The following DPF3 variants were observed in gnomAD, a reference collection of about 807,000 sequenced individuals.
DPF3 encodes the protein double PHD fingers 3.
Under a neutral mutation model 56.8 loss-of-function variants are expected in DPF3, and 18 were observed. That is an observed-to-expected ratio of 0.32 (90% CI 0.22 to 0.47). DPF3 has a LOEUF of 0.47. Ranked by LOEUF, DPF3 falls within the 20% of genes least tolerant of loss-of-function variation. The probability of loss-of-function intolerance (pLI) is 1.00; values close to 1 mark genes in which losing one functional copy is unlikely to be tolerated. For synonymous variants in DPF3, 188 were observed against 180.2 expected (o/e 1.04, Z -0.35); for missense variants, 403 against 488.8 (o/e 0.82, Z 1.65).
At chr14:72,844,232 C>A (rs545427192) in intron 1 of DPF3, among the ~76,000 whole-genome samples, 1 of 152,324 alleles carries the variant, frequency 6.6e-6, no homozygotes. Context: ...CGTTAGAAAA[C>A]TGCCTCCACA....
intron 8 of DPF3, among the ~76,000 whole-genome samples, chr14:72,639,589 A>G (rs1056122945): frequency 6.6e-6 from 1 of 152,218 alleles, no homozygotes; most frequent in Non-Finnish European, 1.5e-5. Context: ...GTGGCAACAT[A>G]TGAAGGAAGG....
At chr14:72,667,237 A>C (rs918121508) in intron 8 of DPF3, among the ~76,000 whole-genome samples, 13 of 152,172 alleles carry the variant, frequency 8.5e-5, no homozygotes, top group Non-Finnish European at 1.5e-4. Context: ...CCAGGGTCAT[A>C]GTGATTATAG....
intron 6 of DPF3, among the ~76,000 whole-genome samples, chr14:72,708,564 A>C (rs1430138696): frequency 2.0e-5 from 3 of 152,236 alleles, no homozygotes; most frequent in Admixed American, 6.5e-5. Flanking sequence ...CGTGAGCCTT[A>C]AAGAATATGT....
chr14:72,773,579 T>C (rs1168561123), intron 1 of DPF3, among the ~76,000 whole-genome samples: 1 of 152,242 alleles, frequency 6.6e-6, no homozygotes, highest in Non-Finnish European at 1.5e-5. Context: ...TCTTTTCATC[T>C]TGCAAAACTG....
At chr14:72,770,910 G>A in intron 2 of DPF3, among the ~76,000 whole-genome samples, 1 of 152,202 alleles carries the variant, frequency 6.6e-6, no homozygotes, top group South Asian at 2.1e-4. Context: ...CAGGTGCAGT[G>A]GCTCACGCCT....
At chr14:72,768,079 T>A (rs1891365745) in intron 2 of DPF3, among the ~76,000 whole-genome samples, 1 of 152,088 alleles carries the variant, frequency 6.6e-6, no homozygotes, top group Non-Finnish European at 1.5e-5. Context: ...GATGGCAAAA[T>A]CAAGACATTC....
intron 1 of DPF3, among the ~76,000 whole-genome samples, chr14:72,778,146 C>T (rs939139605): frequency 6.6e-6 from 1 of 152,146 alleles, no homozygotes; most frequent in African/African-American, 2.4e-5. Flanking sequence ...CTTGAACTTC[C>T]CAGCCTCCAG....
chr14:72,673,771 G>A (rs2153570694), intron 8 of DPF3, among the ~76,000 whole-genome samples: 1 of 152,248 alleles, frequency 6.6e-6, no homozygotes, highest in South Asian at 2.1e-4. Flanking sequence ...AGGAGCCCGG[G>A]GATCTCTGAC....
intron 2 of DPF3, among the ~76,000 whole-genome samples, chr14:72,754,489 A>C (rs1485849597): frequency 1.3e-5 from 2 of 152,242 alleles, no homozygotes; most frequent in African/African-American, 4.8e-5. Context: ...TAATGAATGA[A>C]TATATTGCAG....
chr14:72,763,674 G>A (rs1181288355), intron 2 of DPF3, among the ~76,000 whole-genome samples: 1 of 152,068 alleles, frequency 6.6e-6, no homozygotes, highest in Non-Finnish European at 1.5e-5. Context: ...CTTGCATTAG[G>A]TAGTAATTTC....
At position 72,736,597 on chromosome 14, in the gene DPF3, G is replaced by A. The variant is rs563641540; in HGVS notation, c.302-4663C>T. Among the ~76,000 whole-genome samples the A allele has an allele frequency of 1.2e-3, 185 of 152,102 alleles. 3 individuals carry two copies. In the South Asian group the frequency reaches 0.033, roughly 27 times the overall value. On this transcript the variant is annotated intron_variant, in intron 3 of 10. Transcript: ENST00000556509. The stretch of plus-strand genomic sequence containing the variant: ...CATCCCTCCCTACAAACAAACACAG[G>A]GTGCACTCTGCCTCCTGACCACAGG...
chr14:72,727,819 T>C (rs1459495510), intron 4 of DPF3, among the ~76,000 whole-genome samples: 2 of 152,200 alleles, frequency 1.3e-5, no homozygotes, highest in East Asian at 3.8e-4. Flanking sequence ...GTCAAATGAA[T>C]GAATGAATGA....
chr14:72,808,784 C>T (rs945822599), intron 1 of DPF3, among the ~76,000 whole-genome samples: 1 of 152,238 alleles, frequency 6.6e-6, no homozygotes, highest in East Asian at 1.9e-4. Context: ...GGAAACCAGC[C>T]AAAGGTCTCC....
At chr14:72,759,475 C>T (rs1243627768) in intron 2 of DPF3, among the ~76,000 whole-genome samples, 3 of 149,478 alleles carry the variant, frequency 2.0e-5, no homozygotes, top group South Asian at 2.1e-4. Context: ...TTGAGAGCAG[C>T]CTGGGCAACA....
At chr14:72,695,295 T>G (rs1887856062) in intron 6 of DPF3, among the ~76,000 whole-genome samples, 1 of 152,224 alleles carries the variant, frequency 6.6e-6, no homozygotes, top group African/African-American at 2.4e-5. Flanking sequence ...AGATGTTCAA[T>G]AAATGGTAAA....
chr14:72,859,238 T>C (rs1005108611), intron 1 of DPF3, among the ~76,000 whole-genome samples: 4 of 152,038 alleles, frequency 2.6e-5, no homozygotes, highest in Non-Finnish European at 4.4e-5. Context: ...GCAATTTGGG[T>C]GCTAGGTGAT....
intron 6 of DPF3, among the ~76,000 whole-genome samples, chr14:72,694,648 A>G (rs1005448191): frequency 6.6e-6 from 1 of 152,222 alleles, no homozygotes; most frequent in Admixed American, 6.5e-5. Context: ...ATATTTACAT[A>G]AACTATTTTA....
intron 3 of DPF3, 136 bp from the exon 4 acceptor site, chr14:72,732,070 G>A: frequency 8.6e-7 from 1 of 1,168,288 alleles, no homozygotes; most frequent in Non-Finnish European, 1.2e-6. Flanking sequence ...TGGAGGGAGA[G>A]GAACACTGGA....
chr14:72,674,952 T>G (rs1021255121), intron 7 of DPF3, among the ~76,000 whole-genome samples: 2 of 151,656 alleles, frequency 1.3e-5, no homozygotes, highest in Non-Finnish European at 2.9e-5. Context: ...TGAAGGGGAG[T>G]CTCATCTCCC....
Sources: allele counts gnomAD v4.1 joint callset (sites outside exome capture counted in the v4.1 genomes callset), GRCh38; gene constraint gnomAD v4.1.1; transcripts MANE v1.5; gene names NCBI Gene and HGNC (gene_info 2026-07-23, HGNC 2026-07-21).